Variants in SLC24A4 observed in about 807,000 individuals in gnomAD.
SLC24A4 encodes sodium/potassium/calcium exchanger 4.
A neutral mutation model predicts 79.0 loss-of-function variants in SLC24A4; 53 were observed. The observed-to-expected ratio is 0.67, with a 90% CI of 0.54 to 0.84. SLC24A4 has a LOEUF of 0.84. Ranked by LOEUF, SLC24A4 falls within the 40% of genes least tolerant of loss-of-function variation. The pLI, the probability that SLC24A4 is intolerant of heterozygous loss-of-function variation, is 0.00. For synonymous variants in SLC24A4, 323 were observed against 323.8 expected (o/e 1.00, Z 0.03); for missense variants, 731 against 822.0 (o/e 0.89, Z 1.35).
At chr14:92,324,031 C>T in intron 1 of SLC24A4, 71 bp downstream of exon 1, 1 of 1,545,030 alleles carries the variant, frequency 6.5e-7, no homozygotes, top group East Asian at 2.4e-5. Context: ...GGGGCGGCTG[C>T]GAGATGTTTT....
At chr14:92,407,873 G>GT (rs1339572920) in intron 2 of SLC24A4, among the ~76,000 whole-genome samples, 1 of 125,374 alleles carries the variant, frequency 8.0e-6, no homozygotes, top group Non-Finnish European at 1.8e-5. Context: ...GTGTGTGTGT[G>GT]TGTGTGTGTG....
intron 12 of SLC24A4, among the ~76,000 whole-genome samples, chr14:92,472,900 A>T (rs1332135027): frequency 6.6e-6 from 1 of 152,068 alleles, no homozygotes; most frequent in South Asian, 2.1e-4. Context: ...TGACATTCCC[A>T]CCAGCCTGTA....
chr14:92,366,853 G>C lies in SLC24A4; in HGVS notation c.241+40875G>C, dbSNP rs148326059. ...GAATAGGCGGGGAAGGGGTGATTAC[G>C]TCCATTTCTTTTCAGCTCATGGCTC... On this transcript the variant is annotated intron_variant, in intron 2 of 16. Transcript: ENST00000532405. Among the ~76,000 whole-genome samples the C allele has an allele frequency of 6.5e-3, 983 of 152,278 alleles. 4 individuals are homozygous for C. The highest frequency in any genetic ancestry group is 0.011 in the Non-Finnish European group (750 of 68,032).
At chr14:92,359,813 A>G (rs917191903) in intron 2 of SLC24A4, among the ~76,000 whole-genome samples, 2 of 152,360 alleles carry the variant, frequency 1.3e-5, no homozygotes, top group Non-Finnish European at 1.5e-5. Context: ...CCTAGATGTC[A>G]TCTCTGCCTT....
Position 92,379,549 on chromosome 14 carries a change from G to A in SLC24A4, c.241+53571G>A, listed in dbSNP as rs1052844235. Among the ~76,000 whole-genome samples, 8 of 152,022 alleles carry A rather than the reference G, an allele frequency of 5.3e-5. No individual in the cohort carries two copies. The South Asian group carries it at 1.0e-3, about 20-fold the overall frequency. Reference sequence around the variant, plus strand: ...TGGCACCAGGGGCATGGCAGGAAGCGCCCCTGCCCCCTCCTCCTCTCTGGC... The same window carrying A: ...TGGCACCAGGGGCATGGCAGGAAGCACCCCTGCCCCCTCCTCCTCTCTGGC... On this transcript the variant is annotated intron_variant, in intron 2 of 16. Coordinates refer to ENST00000532405, the MANE Select transcript of SLC24A4 (RefSeq NM_153646.4).
intron 3 of SLC24A4, among the ~76,000 whole-genome samples, chr14:92,437,398 G>C (rs775736518): frequency 7.9e-5 from 12 of 152,180 alleles, no homozygotes; most frequent in Non-Finnish European, 1.6e-4. Flanking sequence ...TGATCCCCTC[G>C]GTAGTTCCTG....
chr14:92,430,140 C>T (rs1322132539), intron 2 of SLC24A4, among the ~76,000 whole-genome samples: 5 of 152,206 alleles, frequency 3.3e-5, no homozygotes, highest in Non-Finnish European at 5.9e-5. Flanking sequence ...AATAACCTTC[C>T]ACCTTCTGAG....
chr14:92,397,692 G>A (rs918278389), intron 2 of SLC24A4, among the ~76,000 whole-genome samples: 1 of 152,142 alleles, frequency 6.6e-6, no homozygotes, highest in African/African-American at 2.4e-5. Flanking sequence ...TGACAGACAA[G>A]GTTGGAATTG....
intron 2 of SLC24A4, among the ~76,000 whole-genome samples, chr14:92,382,819 TC>T (rs1163332515): frequency 1.3e-5 from 2 of 152,214 alleles, no homozygotes; most frequent in Non-Finnish European, 2.9e-5. Context: ...CTGCTGGGGT[TC>T]TGCCAGGTGC....
At chr14:92,488,845 G>C (rs1895517725) in intron 14 of SLC24A4, among the ~76,000 whole-genome samples, 1 of 152,188 alleles carries the variant, frequency 6.6e-6, no homozygotes, top group Admixed American at 6.5e-5. Context: ...GAAGGTCAAG[G>C]GACAAGGAAA....
intron 2 of SLC24A4, among the ~76,000 whole-genome samples, chr14:92,364,715 C>T (rs1887726698): frequency 6.6e-6 from 1 of 152,182 alleles, no homozygotes; most frequent in South Asian, 2.1e-4. Context: ...TCCTTCAGGC[C>T]TCACCTCTCT....
At chr14:92,453,759 G>A (rs1345873437) in intron 10 of SLC24A4, 141 bp from the exon 11 acceptor site, 1 of 830,136 alleles carries the variant, frequency 1.2e-6, no homozygotes, top group African/African-American at 1.8e-5. Flanking sequence ...GTTGAAGCCA[G>A]GCATCCAGAC....
chr14:92,483,352 T>C (rs1316751519), intron 13 of SLC24A4, among the ~76,000 whole-genome samples: 1 of 152,122 alleles, frequency 6.6e-6, no homozygotes, highest in Non-Finnish European at 1.5e-5. Flanking sequence ...ATGGGATGGG[T>C]GCTATTATCT....
At chr14:92,345,563 A>G (rs1886477404) in intron 2 of SLC24A4, among the ~76,000 whole-genome samples, 1 of 152,190 alleles carries the variant, frequency 6.6e-6, no homozygotes, top group South Asian at 2.1e-4. Context: ...TTAGCCAGGC[A>G]TGGTGGCATG....
At chr14:92,399,558 A>G (rs566812115) in intron 2 of SLC24A4, among the ~76,000 whole-genome samples, 1 of 152,308 alleles carries the variant, frequency 6.6e-6, no homozygotes, top group Admixed American at 6.5e-5. Flanking sequence ...TGTTGTCCCA[A>G]GGTTTGATAA....
intron 2 of SLC24A4, among the ~76,000 whole-genome samples, chr14:92,340,071 C>T (rs956237193): frequency 1.3e-5 from 2 of 152,182 alleles, no homozygotes; most frequent in African/African-American, 4.8e-5. Flanking sequence ...AAGATGGGAG[C>T]ATGAAAAGCA....
chr14:92,386,091 C>T (rs138512825), intron 2 of SLC24A4, among the ~76,000 whole-genome samples: 21 of 152,144 alleles, frequency 1.4e-4, no homozygotes, highest in African/African-American at 3.6e-4. Context: ...CTCAGAGGCA[C>T]GATTTTCAGA....
intron 1 of SLC24A4, among the ~76,000 whole-genome samples, chr14:92,325,254 C>T (rs1459918982): frequency 6.6e-6 from 1 of 152,216 alleles, no homozygotes; most frequent in Non-Finnish European, 1.5e-5. Context: ...CAGGAATTAC[C>T]TTTAGGAGTT....
At chr14:92,385,145 G>A (rs913189004) in intron 2 of SLC24A4, among the ~76,000 whole-genome samples, 4 of 152,144 alleles carry the variant, frequency 2.6e-5, no homozygotes, top group South Asian at 2.1e-4. Flanking sequence ...TTTGGATCTC[G>A]CCTTAACTCT....
Sources: gnomAD v4.1 joint callset for allele counts (sites outside exome capture counted in the v4.1 genomes callset) on GRCh38, gnomAD v4.1.1 for gene constraint, MANE v1.5 for transcripts, NCBI Gene and HGNC (gene_info 2026-07-23, HGNC 2026-07-21) for gene names.